The following PLEKHG4B variants were observed in gnomAD, a reference collection of about 807,000 sequenced individuals.
The protein encoded by PLEKHG4B is pleckstrin homology domain-containing family G member 4B.
In PLEKHG4B, 111 loss-of-function variants were observed where a neutral mutation model predicts 121.3. That is an observed-to-expected ratio of 0.92 (90% CI 0.78 to 1.07). The LOEUF (loss-of-function observed/expected upper bound fraction) is 1.07. Among genes scored for constraint, PLEKHG4B ranks in the 50% least tolerant of loss-of-function variants. PLEKHG4B has a pLI of 0.00. For missense variants in PLEKHG4B, 1,831 were observed against 1,757.8 expected (o/e 1.04, Z -0.74); for synonymous variants, 738 against 725.0 (o/e 1.02, Z -0.29).
Position 182,402 on chromosome 5 carries a change from G to C in PLEKHG4B, c.*79G>C. ...AGCACGCCAGGCCTGATGACTCTGG[G>C]GGTGGCGGTGCCCATCGCGTGGCTG... On this transcript the variant is annotated 3_prime_UTR_variant, in exon 20 of 20. Coordinates refer to ENST00000637938, the MANE Select transcript of PLEKHG4B (RefSeq NM_052909.5). The C allele has an allele frequency of 7.0e-7, 1 of 1,426,786 alleles. No individual in the cohort carries two copies. The highest frequency in any genetic ancestry group is 9.4e-7 in the Non-Finnish European group (1 of 1,064,422). The allele number at this position is 1,426,786 out of a possible 1,614,324, so 88.4% of individuals were successfully genotyped here.
intron 11 of PLEKHG4B, among the ~76,000 whole-genome samples, chr5:161,062 T>C (rs1038974892): frequency 2.0e-5 from 3 of 152,220 alleles, no homozygotes; most frequent in African/African-American, 7.2e-5. Flanking sequence ...TCTCTGGGCA[T>C]CTGACCCCTA....
In PLEKHG4B at chr5:104,204, G is replaced by T. The variant is rs574462813; in HGVS notation, c.46-9047G>T. 8.7e-5 allele frequency among the ~76,000 whole-genome samples: 12 copies of T among 138,580 alleles called. 1 individual carries two copies. The South Asian group carries it at 2.6e-3, about 30-fold the overall frequency. The allele number at this position is 138,580 out of a possible 152,430, so 90.9% of individuals were successfully genotyped here. A position where few individuals can be genotyped will look rare whatever the true frequency, so the allele number is the denominator to read the frequency against. ...ACCGATTCCTAAACAACCTCAGCCA[G>T]TCCCAGCACCGATTCCTAAACAACC... is the stretch of plus-strand genomic sequence containing the variant. On this transcript the variant is annotated intron_variant, in intron 1 of 19. Transcript: ENST00000637938.
At chr5:146,466 C>T (rs114247727) in intron 6 of PLEKHG4B, among the ~76,000 whole-genome samples, 2,312 of 146,306 alleles carry the variant, frequency 0.016, 69 homozygotes, top group African/African-American at 0.056. Flanking sequence ...TCCTCTTCAC[C>T]CCTGCAATCC....
intron 2 of PLEKHG4B, among the ~76,000 whole-genome samples, chr5:128,097 T>C (rs536213825): frequency 2.0e-5 from 3 of 152,164 alleles, no homozygotes; most frequent in Admixed American, 6.5e-5. Flanking sequence ...GGACAATAGA[T>C]GACAAATGTG....
intron 1 of PLEKHG4B, among the ~76,000 whole-genome samples, chr5:103,753 TC>T (rs2126340294): frequency 6.6e-6 from 1 of 152,338 alleles, no homozygotes; most frequent in Admixed American, 6.5e-5. Context: ...TATACAGTAA[TC>T]TATACAACAA....
At chr5:155,939 A>G (rs1735762997) in intron 9 of PLEKHG4B, 132 bp from the exon 10 acceptor site, 1 of 891,726 alleles carries the variant, frequency 1.1e-6, no homozygotes, top group African/African-American at 1.7e-5. Flanking sequence ...CAGCTTGAGG[A>G]GTGGGCACTG....
chr5:179,282 T>C (rs1471486489), intron 18 of PLEKHG4B, among the ~76,000 whole-genome samples: 2 of 152,190 alleles, frequency 1.3e-5, no homozygotes, highest in African/African-American at 4.8e-5. Flanking sequence ...TTAATGTAAT[T>C]TGGGTATAAA....
intron 6 of PLEKHG4B, among the ~76,000 whole-genome samples, chr5:146,089 G>GAGTCCTCCCTCCTCTCCCTACTTGC (rs1289023553): frequency 1.5e-5 from 2 of 132,694 alleles, no homozygotes; most frequent in Non-Finnish European, 3.3e-5. Context: ...TCCCCACTTG[G>GAGTCCTCCCTCCTCTCCCTACTTGC]AGTCCTCCCT....
chr5:171,122 C>T lies in PLEKHG4B; in HGVS notation c.3809C>T (p.Ala1270Val). Reference protein sequence around the residue: ...SDALLSSHGNAFFKDKQRELG... With the variant: ...SDALLSSHGNVFFKDKQRELG... ...GCCCTGCTCAGCAGCCATGGCAACGCCTTCTTCAAGGTCATCCCCCTCGGC... is the reference window on the plus strand; with the variant it reads ...GCCCTGCTCAGCAGCCATGGCAACGTCTTCTTCAAGGTCATCCCCCTCGGC... The change falls in exon 15 of 20, where the codon GCC (alanine) becomes GTC (valine). Residue 1270 changes from alanine (A) to valine (V), a missense_variant. Physicochemically the swap from Ala to Val is moderately conservative, Grantham distance 64. Transcript: ENST00000637938. The T allele has an allele frequency of 6.2e-7, 1 of 1,613,208 alleles. No individual in the cohort carries two copies. Among genetic ancestry groups the T allele is most frequent in the Non-Finnish European group, 8.5e-7 (1 of 1,179,688 alleles).
At position 143,403 on chromosome 5, in the gene PLEKHG4B, G is replaced by A. The variant is rs1172188603; in HGVS notation, c.1711G>A (p.Ala571Thr). The change falls in exon 5 of 20, where the codon GCA becomes ACA. Residue 571 changes from alanine (A) to threonine (T), a missense_variant. Physicochemically the swap from Ala to Thr is moderately conservative, Grantham distance 58. Coordinates refer to ENST00000637938, the MANE Select transcript of PLEKHG4B (RefSeq NM_052909.5). ...AGGGACCCGAGACCGTCATGGCAGAGCAGTGGTGCAGGTCCGCACCAGGAG... is the reference window on the plus strand; with the variant it reads ...AGGGACCCGAGACCGTCATGGCAGAACAGTGGTGCAGGTCCGCACCAGGAG... ...LPGTRDRHGR[A>T]VVQVRTRSLL... is the part of the protein sequence containing the mutation. 6.2e-6 allele frequency: 10 copies of A among 1,612,814 alleles called. No individual in the cohort carries two copies. The highest frequency in any genetic ancestry group is 8.5e-6 in the Non-Finnish European group (10 of 1,179,976).
chr5:184,018 T>A lies in PLEKHG4B; in HGVS notation c.*1695T>A, dbSNP rs1012583084. Reference sequence around the variant, plus strand: ...ATAGATAGATAGATAGATAGATAGATAGATAGATAGACTGACAGACAGATG... The same window carrying A: ...ATAGATAGATAGATAGATAGATAGAAAGATAGATAGACTGACAGACAGATG... On this transcript the variant is annotated 3_prime_UTR_variant, in exon 20 of 20. Transcript: ENST00000637938. 6.9e-6 allele frequency: 1 copy of A among 145,038 alleles called. No homozygotes were observed. The highest frequency in any genetic ancestry group is 1.5e-5 in the Non-Finnish European group (1 of 65,384). 9.0% of individuals were successfully genotyped at this position (145,038 alleles called of 1,614,324 possible).
intron 1 of PLEKHG4B, among the ~76,000 whole-genome samples, chr5:99,731 T>C (rs1477522480): frequency 6.6e-6 from 1 of 152,100 alleles, no homozygotes; most frequent in Non-Finnish European, 1.5e-5. Flanking sequence ...CTTTTTCTTG[T>C]TTGGTTACTC....
At chr5:167,514 A>G (rs753746142) in intron 13 of PLEKHG4B, among the ~76,000 whole-genome samples, 9 of 132,762 alleles carry the variant, frequency 6.8e-5, no homozygotes, top group Non-Finnish European at 1.3e-4. Context: ...GTAAGATGCC[A>G]TCAAGTAGAG....
chr5:129,588 G>A (rs1213245703), intron 2 of PLEKHG4B, among the ~76,000 whole-genome samples: 2 of 152,182 alleles, frequency 1.3e-5, no homozygotes, highest in African/African-American at 4.8e-5. Context: ...TGTACCCCAG[G>A]TGATGGTCAC....
intron 13 of PLEKHG4B, 133 bp downstream of exon 13, chr5:163,681 C>T (rs1194835673): frequency 2.4e-5 from 19 of 789,162 alleles, no homozygotes; most frequent in African/African-American, 3.5e-5. Flanking sequence ...TCCACCTGTC[C>T]GGTCTAAGAA....
Position 156,713 on chromosome 5 carries a change from C to T in PLEKHG4B, c.2349-60C>T. 8.0e-6 allele frequency: 12 copies of T among 1,508,470 alleles called. No individual in the cohort carries two copies. Among genetic ancestry groups the T allele is most frequent in the African/African-American group, 1.4e-5 (1 of 72,066 alleles). The allele number at this position is 1,508,470 out of a possible 1,614,324, so 93.4% of individuals were successfully genotyped here. ...GCAGGGTTTTTATATGGGGTTGTCACCAAGAGCAGATTCCTCAAGGGGCCG... is the reference window on the plus strand; with the variant it reads ...GCAGGGTTTTTATATGGGGTTGTCATCAAGAGCAGATTCCTCAAGGGGCCG... On this transcript the variant is annotated intron_variant, in intron 10 of 19. Coordinates refer to ENST00000637938, the MANE Select transcript of PLEKHG4B (RefSeq NM_052909.5). This position sits in a 1 kb window ranked among gnomAD's most constrained non-coding sequence, Gnocchi z 4.4.
chr5:102,837 C>T (rs557648035), intron 1 of PLEKHG4B, among the ~76,000 whole-genome samples: 100 of 152,310 alleles, frequency 6.6e-4, no homozygotes, highest in African/African-American at 2.1e-3. Context: ...AGGGTGCTCA[C>T]GGATTTGGGG....
chr5:166,708 G>T (rs1380368883), intron 13 of PLEKHG4B, among the ~76,000 whole-genome samples: 2 of 152,182 alleles, frequency 1.3e-5, no homozygotes, highest in African/African-American at 2.4e-5. Flanking sequence ...GGGGTTGGAG[G>T]CCTCTGCCTT....
intron 14 of PLEKHG4B, 47 bp downstream of exon 14, chr5:169,639 G>T (rs1736475666): frequency 6.2e-7 from 1 of 1,601,032 alleles, no homozygotes; most frequent in Admixed American, 1.7e-5. Flanking sequence ...GGTGGGTGAA[G>T]CCGGTGTCAG....
Sources: gnomAD v4.1 joint callset for allele counts (sites outside exome capture counted in the v4.1 genomes callset) on GRCh38, gnomAD v4.1.1 for gene constraint, Gnocchi (gnomAD v3.1) non-coding constraint, MANE v1.5 for transcripts, NCBI Gene and HGNC (gene_info 2026-07-23, HGNC 2026-07-21) for gene names.